PTPRT: variants seen among roughly 807,000 people sequenced by gnomAD.
PTPRT encodes protein tyrosine phosphatase receptor type T, also known as receptor-type tyrosine-protein phosphatase T.
Under a neutral mutation model 176.8 loss-of-function variants are expected in PTPRT, and 56 were observed. The ratio of observed to expected loss-of-function variants is 0.32; its 90% CI spans 0.26 to 0.40. The LOEUF (loss-of-function observed/expected upper bound fraction) is 0.40. Ranked by LOEUF, PTPRT falls within the 10% of genes least tolerant of loss-of-function variation. The pLI, the probability that PTPRT is intolerant of heterozygous loss-of-function variation, is 1.00. For missense variants in PTPRT, 1,540 were observed against 1,908.2 expected (o/e 0.81, Z 3.60); for synonymous variants, 783 against 739.0 (o/e 1.06, Z -0.96).
At chr20:43,084,439 C>T (rs147769226) in intron 1 of PTPRT, among the ~76,000 whole-genome samples, 147 of 152,242 alleles carry the variant, frequency 9.7e-4, no homozygotes, top group Non-Finnish European at 1.4e-3. Flanking sequence ...TGGTAGGAGA[C>T]AGAGCAAGCA....
chr20:42,656,344 G>C (rs967041491), intron 7 of PTPRT, among the ~76,000 whole-genome samples: 2 of 152,170 alleles, frequency 1.3e-5, no homozygotes, highest in Non-Finnish European at 2.9e-5. Context: ...TATTTGACAT[G>C]TGTTAACGCC....
At chr20:42,964,712 T>C (rs1443824107) in intron 1 of PTPRT, among the ~76,000 whole-genome samples, 2 of 152,178 alleles carry the variant, frequency 1.3e-5, no homozygotes, top group Admixed American at 1.3e-4. Context: ...TTGAGTATTT[T>C]TTCGGTGATG....
intron 7 of PTPRT, among the ~76,000 whole-genome samples, chr20:42,621,993 T>C (rs927439804): frequency 2.6e-5 from 4 of 152,222 alleles, no homozygotes; most frequent in African/African-American, 9.6e-5. Context: ...AAGTATTTCA[T>C]AGTTCTCTAA....
In PTPRT at chr20:42,368,000, T is replaced by C. The variant is rs528979295; in HGVS notation, c.1561-15715A>G. Among the ~76,000 whole-genome samples the C allele has an allele frequency of 5.9e-5, 9 of 152,290 alleles. No individual in the cohort carries two copies. In the South Asian group the frequency reaches 1.9e-3, roughly 32 times the overall value. On this transcript the variant is annotated intron_variant, in intron 9 of 30. Coordinates refer to ENST00000373187, the MANE Select transcript of PTPRT (RefSeq NM_007050.6). ...CAGGATGCAGGGACCCCTGATCTCC[T>C]GAGGCTCTTCTACCCAGGCTCTGGG...
intron 2 of PTPRT, among the ~76,000 whole-genome samples, chr20:42,866,940 G>A (rs1460796472): frequency 1.3e-5 from 2 of 152,180 alleles, no homozygotes; most frequent in African/African-American, 4.8e-5. Flanking sequence ...AAGATGACAA[G>A]TATAAAGTGC....
At chr20:42,349,345 C>T (rs1023297500) in intron 11 of PTPRT, among the ~76,000 whole-genome samples, 8 of 152,210 alleles carry the variant, frequency 5.3e-5, no homozygotes, top group African/African-American at 1.9e-4. Context: ...TCCTCCATGC[C>T]TGTGCTCACA....
At position 42,500,390 on chromosome 20, in the gene PTPRT, A is replaced by G. The variant is rs2071731126; in HGVS notation, c.1154-27828T>C. ...AATTAAATTTTATAATTATTATATA[A>G]AAATGTAAATGACTTGTATACTGAT... On this transcript the variant is annotated intron_variant, in intron 7 of 30. Coordinates refer to ENST00000373187, the MANE Select transcript of PTPRT (RefSeq NM_007050.6). 5.3e-5 allele frequency among the ~76,000 whole-genome samples: 8 copies of G among 152,138 alleles called. No individual in the cohort carries two copies. The South Asian group carries it at 1.7e-3, about 31-fold the overall frequency.
chr20:42,838,779 C>A (rs1171616328), intron 2 of PTPRT, among the ~76,000 whole-genome samples: 2 of 152,190 alleles, frequency 1.3e-5, no homozygotes, highest in Non-Finnish European at 2.9e-5. Context: ...GACAATCTCC[C>A]TTTCCCATTT....
intron 1 of PTPRT, among the ~76,000 whole-genome samples, chr20:43,070,186 A>G (rs1013052029): frequency 6.6e-6 from 1 of 152,172 alleles, no homozygotes; most frequent in Non-Finnish European, 1.5e-5. Flanking sequence ...CAGTCCGGAT[A>G]GTCTTGACCA....
chr20:42,084,990 A>T, intron 28 of PTPRT, 145 bp from the exon 29 acceptor site: 1 of 590,868 alleles, frequency 1.7e-6, no homozygotes, highest in South Asian at 8.7e-5. Flanking sequence ...AGTCCCCATG[A>T]CTACTTCTAT....
intron 16 of PTPRT, among the ~76,000 whole-genome samples, chr20:42,162,079 C>T (rs750987463): frequency 1.3e-5 from 2 of 152,112 alleles, no homozygotes; most frequent in Non-Finnish European, 2.9e-5. Flanking sequence ...AGAATTGGGG[C>T]TAGTCTTGGA....
intron 8 of PTPRT, among the ~76,000 whole-genome samples, chr20:42,450,101 G>A (rs929752963): frequency 6.6e-6 from 1 of 152,176 alleles, no homozygotes. Flanking sequence ...TAGAGGGGGC[G>A]TTGCCCCTTT....
At chr20:42,976,076 G>A (rs1982929102) in intron 1 of PTPRT, among the ~76,000 whole-genome samples, 1 of 152,158 alleles carries the variant, frequency 6.6e-6, no homozygotes, top group African/African-American at 2.4e-5. Flanking sequence ...ATACAGAGAG[G>A]AGGAACCTTG....
At chr20:43,068,601 A>C (rs144637831) in intron 1 of PTPRT, among the ~76,000 whole-genome samples, 2,506 of 152,004 alleles carry the variant, frequency 0.016, 32 homozygotes, top group Middle Eastern at 0.041. Context: ...GTATAACAAC[A>C]GGGAGTTATC....
At chr20:43,019,022 C>T (rs1409904908) in intron 1 of PTPRT, among the ~76,000 whole-genome samples, 2 of 152,104 alleles carry the variant, frequency 1.3e-5, no homozygotes, top group African/African-American at 4.8e-5. Flanking sequence ...GCACGTTTAT[C>T]ACAACATTGT....
At chr20:42,225,353 A>G (rs559501991) in intron 15 of PTPRT, among the ~76,000 whole-genome samples, 1 of 152,198 alleles carries the variant, frequency 6.6e-6, no homozygotes, top group South Asian at 2.1e-4. Context: ...TGGCAAGTAC[A>G]CTGTATTAAT....
At chr20:42,972,063 AG>A (rs1296961910) in intron 1 of PTPRT, among the ~76,000 whole-genome samples, 1 of 151,034 alleles carries the variant, frequency 6.6e-6, no homozygotes, top group African/African-American at 2.4e-5. Context: ...ACTGAATGGT[AG>A]GTAGTCAAAG....
At chr20:42,891,782 T>C (rs2079196927) in intron 1 of PTPRT, among the ~76,000 whole-genome samples, 1 of 152,242 alleles carries the variant, frequency 6.6e-6, no homozygotes, top group African/African-American at 2.4e-5. Context: ...CCAGGCACTG[T>C]ATTTGAACTA....
At chr20:42,645,775 T>G (rs193091173) in intron 7 of PTPRT, among the ~76,000 whole-genome samples, 1 of 149,600 alleles carries the variant, frequency 6.7e-6, no homozygotes, top group Non-Finnish European at 1.5e-5. Flanking sequence ...TGTGTGTGTG[T>G]GTGTGTGTGT....
Sources: gnomAD v4.1 joint callset for allele counts (sites outside exome capture counted in the v4.1 genomes callset) on GRCh38, gnomAD v4.1.1 for gene constraint, MANE v1.5 for transcripts, NCBI Gene and HGNC (gene_info 2026-07-23, HGNC 2026-07-21) for gene names.